ARL6IP6: variants seen among roughly 807,000 people sequenced by gnomAD.
ARL6IP6 encodes ARF like GTPase 6 interacting protein 6, also known as ADP-ribosylation factor-like protein 6-interacting protein 6.
Under a neutral mutation model 21.5 loss-of-function variants are expected in ARL6IP6, and 22 were observed. The observed-to-expected ratio is 1.02, with a 90% CI of 0.73 to 1.46. The LOEUF is 1.46. Ranked by LOEUF, ARL6IP6 falls within the 40% of genes most tolerant of loss-of-function variation. ARL6IP6 has a pLI of 0.00. For missense variants in ARL6IP6, 388 were observed against 299.8 expected (o/e 1.29, Z -2.17); for synonymous variants, 164 against 125.3 (o/e 1.31, Z -2.06).
At chr2:152,742,899 A>C (rs1700882933) in intron 3 of ARL6IP6, among the ~76,000 whole-genome samples, 1 of 152,218 alleles carries the variant, frequency 6.6e-6, no homozygotes, top group African/African-American at 2.4e-5. Flanking sequence ...CACAAAGTCA[A>C]GTAATTTGCA....
chr2:152,749,314 AACACAC>A (rs3080693), intron 3 of ARL6IP6, among the ~76,000 whole-genome samples: 2 of 150,232 alleles, frequency 1.3e-5, no homozygotes, highest in Admixed American at 6.6e-5. Flanking sequence ...CACACACAAA[AACACAC>A]ACACACACAC....
intron 3 of ARL6IP6, among the ~76,000 whole-genome samples, chr2:152,746,821 CTTTTT>C (rs61506535): frequency 4.5e-4 from 15 of 33,074 alleles, no homozygotes; most frequent in South Asian, 1.3e-3. Context: ...TTTATCCTTT[CTTTTT>C]TTTTTTTTTT....
chr2:152,749,704 G>A (rs537032923), intron 3 of ARL6IP6, among the ~76,000 whole-genome samples: 16 of 152,268 alleles, frequency 1.1e-4, no homozygotes, highest in African/African-American at 3.1e-4. Context: ...AAGAGGCAAG[G>A]CTGGCACTCA....
At chr2:152,725,374 A>C (rs969879716) in intron 2 of ARL6IP6, among the ~76,000 whole-genome samples, 11 of 152,300 alleles carry the variant, frequency 7.2e-5, no homozygotes, top group African/African-American at 2.4e-4. Context: ...CTAAGACTTT[A>C]AGTATTTTTT....
At chr2:152,754,459 C>T (rs900627673) in intron 3 of ARL6IP6, among the ~76,000 whole-genome samples, 3 of 152,054 alleles carry the variant, frequency 2.0e-5, no homozygotes, top group Non-Finnish European at 2.9e-5. Flanking sequence ...TTTTTAAATC[C>T]GTTCATCAGT....
chr2:152,732,977 G>C (rs996637943), intron 2 of ARL6IP6, among the ~76,000 whole-genome samples: 8 of 151,938 alleles, frequency 5.3e-5, no homozygotes, highest in Non-Finnish European at 7.4e-5. Context: ...ACTGTATATA[G>C]TTGAAATTCT....
chr2:152,720,863 G>A (rs1482648769), intron 2 of ARL6IP6, among the ~76,000 whole-genome samples: 3 of 152,198 alleles, frequency 2.0e-5, no homozygotes, highest in Admixed American at 2.0e-4. Context: ...AGCTGAGGCA[G>A]TAGAATCACT....
In ARL6IP6 at chr2:152,762,053, A is replaced by G. The variant is rs1476525471; in HGVS notation, c.*2213A>G. 1.3e-5 allele frequency among the ~76,000 whole-genome samples: 2 copies of G among 152,250 alleles called. No individual in the cohort carries two copies. Among genetic ancestry groups the G allele is most frequent in the East Asian group, 3.9e-4 (2 of 5,172 alleles). ...AGTCTGACACAGGGTCCAAATATAA[A>G]TCATCTATATGCAGAATGATTAGGC... is the stretch of plus-strand genomic sequence containing the variant. On this transcript the variant is annotated 3_prime_UTR_variant, in exon 4 of 4. Coordinates refer to ENST00000326446, the MANE Select transcript of ARL6IP6 (RefSeq NM_152522.7).
In ARL6IP6 at chr2:152,760,095, C is replaced by CT. The variant is rs1701766693; in HGVS notation, c.*260dup. On this transcript the variant is annotated 3_prime_UTR_variant, in exon 4 of 4. Transcript: ENST00000326446. ...TCAGAGTATAAGATGTTTACCTCATCTTTTTACTTTTGTGTGTGTAGTTCT... is the reference window on the plus strand; with the variant it reads ...TCAGAGTATAAGATGTTTACCTCATCTTTTTTACTTTTGTGTGTGTAGTTCT... The CT allele has an allele frequency of 3.4e-6, 1 of 291,166 alleles. No homozygotes were observed. 18.0% of individuals were successfully genotyped at this position (291,166 alleles called of 1,614,324 possible). A position where few individuals can be genotyped will look rare whatever the true frequency, so the allele number is the denominator to read the frequency against.
intron 1 of ARL6IP6, 141 bp downstream of exon 1, chr2:152,719,165 T>G (rs1282087948): frequency 3.1e-6 from 3 of 960,934 alleles, no homozygotes; most frequent in Non-Finnish European, 4.3e-6. Flanking sequence ...ATTTGCATCT[T>G]ACTTTGCTCT....
intron 3 of ARL6IP6, among the ~76,000 whole-genome samples, chr2:152,758,648 C>T (rs1327735095): frequency 6.6e-6 from 1 of 152,068 alleles, no homozygotes; most frequent in Non-Finnish European, 1.5e-5. Context: ...TCCCTTGGAA[C>T]AGAGCAGGGA....
intron 2 of ARL6IP6, among the ~76,000 whole-genome samples, chr2:152,725,012 A>C (rs1185827291): frequency 6.6e-6 from 1 of 152,186 alleles, no homozygotes; most frequent in African/African-American, 2.4e-5. Context: ...TGTATGTGTC[A>C]GTGTACACTG....
intron 3 of ARL6IP6, among the ~76,000 whole-genome samples, chr2:152,740,955 T>C (rs746142310): frequency 2.6e-5 from 4 of 152,144 alleles, no homozygotes; most frequent in Non-Finnish European, 5.9e-5. Context: ...ATGTCACCAG[T>C]AGAGTGAGTC....
chr2:152,718,647 G>A lies in ARL6IP6; in HGVS notation c.23G>A (p.Trp8Ter). 6.5e-7 allele frequency: 1 copy of A among 1,546,334 alleles called. No individual in the cohort carries two copies. The highest frequency in any genetic ancestry group is 8.7e-7 in the Non-Finnish European group (1 of 1,145,602). The change falls in exon 1 of 4, where the codon TGG (tryptophan) becomes TAG (stop). Residue 8 changes from tryptophan to a stop codon, truncating the protein, a stop_gained. Transcript: ENST00000326446. LOFTEE classifies it high-confidence loss of function. Reference sequence around the variant, plus strand: ...GCCATGTCGTTTGCTGAGAGCGGGTGGCGGTCGGCTCTGCGGCGCCGCGGT... The same window carrying A: ...GCCATGTCGTTTGCTGAGAGCGGGTAGCGGTCGGCTCTGCGGCGCCGCGGT... MSFAESG[W>*]RSALRRRGPG...
chr2:152,738,029 G>A (rs146117409), intron 3 of ARL6IP6, among the ~76,000 whole-genome samples: 3 of 152,204 alleles, frequency 2.0e-5, no homozygotes, highest in South Asian at 2.1e-4. Context: ...TAACAATGGC[G>A]GTACAAGCAC....
chr2:152,723,989 G>C (rs1699913855), intron 2 of ARL6IP6, among the ~76,000 whole-genome samples: 1 of 151,886 alleles, frequency 6.6e-6, no homozygotes, highest in South Asian at 2.1e-4. Flanking sequence ...AGTGCTATCT[G>C]TGGCTGGGTG....
intron 3 of ARL6IP6, among the ~76,000 whole-genome samples, chr2:152,756,165 T>A (rs1383409935): frequency 6.6e-6 from 1 of 152,166 alleles, no homozygotes; most frequent in African/African-American, 2.4e-5. Flanking sequence ...TTCAAGGTCA[T>A]GAAGATTTAT....
chr2:152,724,582 A>T (rs531197865), intron 2 of ARL6IP6, among the ~76,000 whole-genome samples: 39 of 152,342 alleles, frequency 2.6e-4, no homozygotes, highest in East Asian at 7.7e-4. Context: ...TAAAAGCAGT[A>T]ATAAGAACCA....
intron 3 of ARL6IP6, among the ~76,000 whole-genome samples, chr2:152,757,351 A>G (rs1157894156): frequency 6.6e-6 from 1 of 152,180 alleles, no homozygotes; most frequent in Non-Finnish European, 1.5e-5. Context: ...CTGTATATAA[A>G]TGTTAGACAT....
Sources: allele counts gnomAD v4.1 joint callset (sites outside exome capture counted in the v4.1 genomes callset), GRCh38; gene constraint gnomAD v4.1.1; transcripts MANE v1.5; gene names NCBI Gene and HGNC (gene_info 2026-07-23, HGNC 2026-07-21).